VRK2: variants seen among roughly 807,000 people sequenced by gnomAD.
The protein encoded by VRK2 is serine/threonine-protein kinase VRK2.
A neutral mutation model predicts 57.6 loss-of-function variants in VRK2; 60 were observed. The observed-to-expected ratio is 1.04, with a 90% confidence interval of 0.85 to 1.29. The LOEUF is 1.29. VRK2 is among the 50% of genes most tolerant of loss of function. The pLI is 0.00. For missense variants in VRK2, 705 were observed against 588.1 expected (o/e 1.20, Z -2.06); for synonymous variants, 231 against 199.2 (o/e 1.16, Z -1.35).
chr2:58,085,053 AG>A, intron 4 of VRK2, 103 bp downstream of exon 4: 4 of 1,067,894 alleles, frequency 3.7e-6, no homozygotes, highest in Non-Finnish European at 5.2e-6. Context: ...TCTTTTCAAT[AG>A]AAATTTTATT....
At chr2:58,151,943 G>C (rs1277508102) in intron 12 of VRK2, among the ~76,000 whole-genome samples, 1 of 149,918 alleles carries the variant, frequency 6.7e-6, no homozygotes, top group Non-Finnish European at 1.5e-5. Flanking sequence ...GAGACTGTAT[G>C]GTCAAAAAAG....
At chr2:58,045,255 G>A (rs917527709), upstream of VRK2, among the ~76,000 whole-genome samples, 1 of 152,168 alleles carries the variant, frequency 6.6e-6, no homozygotes, top group Non-Finnish European at 1.5e-5. Flanking sequence ...ATGCAGGTAA[G>A]GGTGCTAAGT....
intron 7 of VRK2, among the ~76,000 whole-genome samples, chr2:58,103,808 G>A (rs1674361454): frequency 6.6e-6 from 1 of 151,610 alleles, no homozygotes; most frequent in African/African-American, 2.4e-5. Flanking sequence ...GAAAACGTTG[G>A]ATCAATATCC....
chr2:57,997,759 G>A (rs1265341639), intron 1 of VRK2, among the ~76,000 whole-genome samples: 1 of 152,088 alleles, frequency 6.6e-6, no homozygotes, highest in Non-Finnish European at 1.5e-5. Flanking sequence ...CCAGGCAATG[G>A]TGGGGTGCGC....
chr2:58,005,182 T>C (rs889964684), intron 1 of VRK2, among the ~76,000 whole-genome samples: 1 of 152,204 alleles, frequency 6.6e-6, no homozygotes, highest in Non-Finnish European at 1.5e-5. Flanking sequence ...TAGGGATTTA[T>C]ATGCAAAAAC....
At chr2:58,158,573 C>A (rs989228169) in intron 12 of VRK2, among the ~76,000 whole-genome samples, 3 of 151,980 alleles carry the variant, frequency 2.0e-5, no homozygotes. Flanking sequence ...TTATAAATTT[C>A]TTCTCTTCTA....
chr2:58,159,157 T>C (rs906357483), intron 12 of VRK2, 192 bp from the exon 13 acceptor site: 5 of 449,200 alleles, frequency 1.1e-5, no homozygotes, highest in East Asian at 6.7e-5. Context: ...GATTTGCTTG[T>C]TGGATGTTTA....
chr2:57,988,243 A>G (rs867471293), intron 1 of VRK2, among the ~76,000 whole-genome samples: 2 of 152,284 alleles, frequency 1.3e-5, no homozygotes, highest in Middle Eastern at 3.4e-3. Flanking sequence ...TTTCTCTTTA[A>G]CATTTTCAAA....
intron 3 of VRK2, among the ~76,000 whole-genome samples, chr2:58,039,304 G>A (rs756805997): frequency 1.2e-4 from 19 of 152,074 alleles, no homozygotes; most frequent in Non-Finnish European, 1.8e-4. Context: ...GCCAAAAGGG[G>A]AAGTACATTC....
intron 1 of VRK2, among the ~76,000 whole-genome samples, chr2:58,004,076 C>T (rs10518852): frequency 0.085 from 12,986 of 151,996 alleles, 1,948 homozygotes; most frequent in African/African-American, 0.3. Context: ...TCTCAGAATC[C>T]TGTGTTTAAT....
chr2:57,937,908 T>G (rs929846450), intron 1 of VRK2, among the ~76,000 whole-genome samples: 1 of 146,552 alleles, frequency 6.8e-6, no homozygotes, highest in Non-Finnish European at 1.5e-5. Flanking sequence ...CTCGGCTCAC[T>G]GCAACCTCCA....
At chr2:58,123,029 T>G in intron 7 of VRK2, 72 bp from the exon 8 acceptor site, 4 of 1,521,952 alleles carry the variant, frequency 2.6e-6, no homozygotes, top group Non-Finnish European at 3.5e-6. Flanking sequence ...ATCAGTTTCT[T>G]AAGACTTAAT....
intron 3 of VRK2, among the ~76,000 whole-genome samples, chr2:58,040,212 AG>A: frequency 6.6e-6 from 1 of 152,322 alleles, no homozygotes; most frequent in Non-Finnish European, 1.5e-5. Context: ...TGTATCTCTC[AG>A]CTGGAATCTA....
At chr2:57,951,673 A>G (rs1192783263) in intron 1 of VRK2, among the ~76,000 whole-genome samples, 1 of 152,182 alleles carries the variant, frequency 6.6e-6, no homozygotes, top group African/African-American at 2.4e-5. Flanking sequence ...AGTCATGTAC[A>G]CTGAGGCAAG....
chr2:58,068,050 C>T (rs1420458871), intron 2 of VRK2, among the ~76,000 whole-genome samples: 3 of 152,154 alleles, frequency 2.0e-5, no homozygotes, highest in South Asian at 2.1e-4. Flanking sequence ...CTGCCTCAGC[C>T]TCTCAAGTAG....
At chr2:57,956,632 G>C (rs73942255) in intron 1 of VRK2, among the ~76,000 whole-genome samples, 1 of 151,948 alleles carries the variant, frequency 6.6e-6, no homozygotes, top group Non-Finnish European at 1.5e-5. Context: ...TTAGGTCTTC[G>C]TATGAAGAAC....
intron 7 of VRK2, among the ~76,000 whole-genome samples, chr2:58,102,492 T>TAAAA (rs570889511): frequency 9.5e-6 from 1 of 105,364 alleles, no homozygotes; most frequent in African/African-American, 3.3e-5. Flanking sequence ...CAAAAACAGT[T>TAAAA]AAAAAAAAAA....
intron 1 of VRK2, among the ~76,000 whole-genome samples, chr2:57,943,392 A>G (rs993962507): frequency 6.6e-6 from 1 of 152,198 alleles, no homozygotes. Context: ...GTCAGGAGTA[A>G]ATTTTAGATT....
chr2:58,140,343 T>C (rs1681150724), intron 11 of VRK2, among the ~76,000 whole-genome samples: 1 of 152,048 alleles, frequency 6.6e-6, no homozygotes, highest in South Asian at 2.1e-4. Context: ...ACCTCTTCTT[T>C]TAGTCTGCCA....
Sources: gnomAD v4.1 joint callset for allele counts (sites outside exome capture counted in the v4.1 genomes callset) on GRCh38, gnomAD v4.1.1 for gene constraint, MANE v1.5 for transcripts, NCBI Gene and HGNC (gene_info 2026-07-23, HGNC 2026-07-21) for gene names.